The following TRERF1 variants were observed in gnomAD, a reference collection of about 807,000 sequenced individuals.
TRERF1 encodes transcriptional-regulating factor 1.
Under a neutral mutation model 122.9 loss-of-function variants are expected in TRERF1, and 27 were observed. The observed-to-expected ratio is 0.22, with a 90% CI of 0.16 to 0.30. TRERF1 has a LOEUF of 0.30. Among genes scored for constraint, TRERF1 ranks in the 10% least tolerant of loss-of-function variants. The pLI is 1.00. For missense variants in TRERF1, 1,248 were observed against 1,560.3 expected, an observed-to-expected ratio of 0.80 and a Z score of 3.37; for synonymous variants, 636 against 641.7, an observed-to-expected ratio of 0.99 and a Z score of 0.13.
intron 15 of TRERF1, among the ~76,000 whole-genome samples, chr6:42,237,492 C>A (rs1313063730): frequency 6.6e-6 from 1 of 152,164 alleles, no homozygotes; most frequent in African/African-American, 2.4e-5. Context: ...ACTATGCCAC[C>A]GAATAGGCTG....
At chr6:42,396,479 A>AAATGATAGAG (rs1204674900) in intron 2 of TRERF1, among the ~76,000 whole-genome samples, 2 of 152,204 alleles carry the variant, frequency 1.3e-5, no homozygotes, top group Non-Finnish European at 1.5e-5. Flanking sequence ...CAAGAGGGGG[A>AAATGATAGAG]AATGATAGAG....
At chr6:42,272,578 G>A (rs1013252296) in intron 4 of TRERF1, among the ~76,000 whole-genome samples, 2 of 152,198 alleles carry the variant, frequency 1.3e-5, no homozygotes, top group Non-Finnish European at 2.9e-5. Flanking sequence ...AGTGAGTCAT[G>A]TCCAGATGAA....
chr6:42,276,057 C>T lies in TRERF1; in HGVS notation c.-258-6209G>A, dbSNP rs190669053. ...AATCCTTCTTCACTCACAGGCAGTA[C>T]AAGAATAGGTGTGGGCTGGATCTGG... On this transcript the variant is annotated intron_variant, in intron 4 of 17. Transcript: ENST00000372922. This position sits in a 1 kb window ranked among gnomAD's most constrained non-coding sequence, Gnocchi z 4.3. Among the ~76,000 whole-genome samples, 7 of 152,328 alleles carry T rather than the reference C, an allele frequency of 4.6e-5. No individual in the cohort carries two copies. Among genetic ancestry groups the T allele is most frequent in the Non-Finnish European group, 4.4e-5 (3 of 68,020 alleles).
At chr6:42,386,866 T>C (rs995456864) in intron 2 of TRERF1, among the ~76,000 whole-genome samples, 5 of 152,216 alleles carry the variant, frequency 3.3e-5, no homozygotes, top group East Asian at 1.9e-4. Flanking sequence ...TTCACAACTA[T>C]TGACATTCAG....
chr6:42,439,088 T>C (rs1355451693), intron 2 of TRERF1, among the ~76,000 whole-genome samples: 1 of 152,208 alleles, frequency 6.6e-6, no homozygotes, highest in East Asian at 1.9e-4. Flanking sequence ...TGGCAGGCCA[T>C]GCCGTAGAAA....
At chr6:42,242,453 A>G (rs1163754982) in intron 15 of TRERF1, among the ~76,000 whole-genome samples, 2 of 152,226 alleles carry the variant, frequency 1.3e-5, no homozygotes, top group African/African-American at 4.8e-5. Context: ...GACAAAAGCT[A>G]GAGTTTAGTA....
intron 2 of TRERF1, among the ~76,000 whole-genome samples, chr6:42,410,403 G>A (rs1286889370): frequency 6.6e-6 from 1 of 151,962 alleles, no homozygotes; most frequent in African/African-American, 2.4e-5. Flanking sequence ...CCCCTGTCAG[G>A]TTCCCAAAGG....
intron 3 of TRERF1, among the ~76,000 whole-genome samples, chr6:42,333,773 T>C (rs1047008376): frequency 6.6e-6 from 1 of 152,082 alleles, no homozygotes; most frequent in South Asian, 2.1e-4. Flanking sequence ...CTCGAGTGCT[T>C]ACTTAACTTG....
At chr6:42,353,216 G>C (rs1162744769) in intron 3 of TRERF1, among the ~76,000 whole-genome samples, 2 of 151,688 alleles carry the variant, frequency 1.3e-5, no homozygotes, top group Admixed American at 6.6e-5. Flanking sequence ...TGATTTTCTA[G>C]ATATTTGTTG....
At chr6:42,387,209 C>T (rs1776951732) in intron 2 of TRERF1, among the ~76,000 whole-genome samples, 1 of 152,204 alleles carries the variant, frequency 6.6e-6, no homozygotes, top group Non-Finnish European at 1.5e-5. Flanking sequence ...CACTCTGCCC[C>T]AAGAAATGTT....
At chr6:42,419,743 G>C (rs564732927) in intron 2 of TRERF1, among the ~76,000 whole-genome samples, 2 of 152,296 alleles carry the variant, frequency 1.3e-5, no homozygotes, top group East Asian at 3.9e-4. Context: ...GTGGGGATTA[G>C]GTCATTGGCT....
intron 3 of TRERF1, among the ~76,000 whole-genome samples, chr6:42,329,862 G>A (rs534345845): frequency 1.3e-3 from 195 of 152,044 alleles, no homozygotes; most frequent in Admixed American, 2.4e-3. Context: ...TGGTGGGGGC[G>A]CCTGTAATCC....
chr6:42,268,387 G>A lies in TRERF1; in HGVS notation c.1204C>T (p.Arg402Cys), dbSNP rs45481292. Residue 402 changes from arginine to cysteine, a missense_variant, in exon 5 of 18, where the codon CGT (arginine) becomes TGT (cysteine). Arg to Cys is a radical substitution (Grantham distance 180). Transcript: ENST00000372922. This position sits in a 1 kb window ranked among gnomAD's most constrained non-coding sequence, Gnocchi z 4.4. ...TAGGTCTTCAGCTGACTGTCCTCAC[G>A]CTGCTGGTGCTGGGACAGGTGGCTC... 6.9e-5 allele frequency: 107 copies of A among 1,540,688 alleles called. No homozygotes were observed. Among genetic ancestry groups the A allele is most frequent in the Non-Finnish European group, 8.3e-5 (95 of 1,145,100 alleles).
rs182893290 is a variant in TRERF1, at chr6:42,441,001, T to G, written c.-454+10176A>C. Among the ~76,000 whole-genome samples the G allele has an allele frequency of 3.1e-3, 475 of 152,278 alleles. 4 individuals carry two copies. The highest frequency in any genetic ancestry group is 0.011 in the African/African-American group (460 of 41,550). ...ATTACCACAATAATGATTTCCCGGT[T>G]GCATTTTTACATGCCTGCCGCTTTA... On this transcript the variant is annotated intron_variant, in intron 2 of 17. Transcript: ENST00000372922.
chr6:42,234,793 GA>G lies in TRERF1; in HGVS notation c.3066+1411del, dbSNP rs769048853. Among the ~76,000 whole-genome samples, 93 of 152,094 alleles carry G rather than the reference GA, an allele frequency of 6.1e-4. No homozygotes were observed. The South Asian group carries it at 6.8e-3, about 11-fold the overall frequency. ...AAAAATATCTTTTCCCTTATGTACAGAAAAATTGGAACAGAAAAATATCTAA... is the reference window on the plus strand; with the variant it reads ...AAAAATATCTTTTCCCTTATGTACAGAAAATTGGAACAGAAAAATATCTAA... On this transcript the variant is annotated intron_variant, in intron 16 of 17. Transcript: ENST00000372922.
At chr6:42,237,886 C>T (rs548681452) in intron 15 of TRERF1, among the ~76,000 whole-genome samples, 10 of 152,226 alleles carry the variant, frequency 6.6e-5, no homozygotes, top group East Asian at 1.9e-4. Context: ...TGTATACTTG[C>T]GATGCAGTAT....
chr6:42,437,638 G>A (rs1413742467), intron 2 of TRERF1, among the ~76,000 whole-genome samples: 1 of 152,154 alleles, frequency 6.6e-6, no homozygotes, highest in African/African-American at 2.4e-5. Context: ...AAGTCATGCT[G>A]TCTGGTAAGG....
At chr6:42,236,593 G>A (rs994241485) in intron 15 of TRERF1, among the ~76,000 whole-genome samples, 182 bp from the exon 16 acceptor site, 2 of 152,156 alleles carry the variant, frequency 1.3e-5, no homozygotes, top group African/African-American at 4.8e-5. Flanking sequence ...TTGGTCTCCG[G>A]ATGCTTAGGA....
intron 2 of TRERF1, among the ~76,000 whole-genome samples, chr6:42,385,133 C>T (rs4714602): frequency 1.6e-4 from 24 of 152,082 alleles, no homozygotes; most frequent in Admixed American, 1.2e-3. Context: ...TGTACCACCA[C>T]GCCCGGCTAA....
Sources: gnomAD v4.1 joint callset for allele counts (sites outside exome capture counted in the v4.1 genomes callset) on GRCh38, gnomAD v4.1.1 for gene constraint, Gnocchi (gnomAD v3.1) non-coding constraint, MANE v1.5 for transcripts, NCBI Gene and HGNC (gene_info 2026-07-23, HGNC 2026-07-21) for gene names.